The following COPS5 variants were observed in gnomAD, a reference collection of about 807,000 sequenced individuals.
COPS5 encodes the protein COP9 signalosome complex subunit 5.
Under a neutral mutation model 44.4 loss-of-function variants are expected in COPS5, and 8 were observed. That is an observed-to-expected ratio of 0.18 (90% CI 0.11 to 0.32). COPS5 has a LOEUF of 0.32. COPS5 is among the 10% of genes least tolerant of loss of function. The pLI is 1.00. For missense variants in COPS5, 159 were observed against 406.4 expected (o/e 0.39, Z 5.23); for synonymous variants, 122 against 142.8 (o/e 0.85, Z 1.04).
At chr8:67,050,558 AGTGTGTGTGTGT>A (rs34629150) in intron 6 of COPS5, among the ~76,000 whole-genome samples, 2 of 140,996 alleles carry the variant, frequency 1.4e-5, no homozygotes, top group African/African-American at 2.6e-5. Flanking sequence ...TGTGAGTGTG[AGTGTGTGTGTGT>A]GTGTGTGTGT....
intron 6 of COPS5, among the ~76,000 whole-genome samples, chr8:67,050,612 A>AGTGTGTGTGT (rs1317416454): frequency 3.4e-5 from 4 of 118,282 alleles, no homozygotes; most frequent in African/African-American, 1.9e-4. Flanking sequence ...TGTGAGTGTG[A>AGTGTGTGTGT]GAGTGTGTGT....
At chr8:67,050,301 T>G (rs1250599584) in intron 6 of COPS5, among the ~76,000 whole-genome samples, 1 of 152,100 alleles carries the variant, frequency 6.6e-6, no homozygotes, top group Non-Finnish European at 1.5e-5. Flanking sequence ...GCGCCCGGCC[T>G]CTTTTTTTTT....
intron 1 of COPS5, 143 bp from the exon 2 acceptor site, chr8:67,059,588 A>C: frequency 1.6e-6 from 1 of 635,670 alleles, no homozygotes; most frequent in South Asian, 2.0e-5. Context: ...AAAGTAAAAA[A>C]GGACAGTTTT....
Position 67,060,637 on chromosome 8 carries a change from C to G in COPS5, c.144-1192G>C, listed in dbSNP as rs1243807231. 1.3e-5 allele frequency: 6 copies of G among 452,328 alleles called. No individual in the cohort carries two copies. The East Asian group carries it at 3.9e-4, about 30-fold the overall frequency. 28.0% of individuals were successfully genotyped at this position (452,328 alleles called of 1,614,324 possible). A position where few individuals can be genotyped will look rare whatever the true frequency, so the allele number is the denominator to read the frequency against. On this transcript the variant is annotated intron_variant, in intron 1 of 7. Transcript: ENST00000357849. ...ACATTATCTCACCTAATCTCTATGA[C>G]AATACCAATAAGTAGGTCTTATTTC...
Position 67,048,586 on chromosome 8 carries a change from C to T in COPS5, c.772-2626G>A, listed in dbSNP as rs1280351601. Among the ~76,000 whole-genome samples the T allele has an allele frequency of 4.0e-5, 6 of 151,682 alleles. No homozygotes were observed. The East Asian group carries it at 9.8e-4, about 25-fold the overall frequency. ...AAAAAATTAGCCGGGCGTGGTGGCA[C>T]GCACCTGTAATCCCAGCTACTCCGG... On this transcript the variant is annotated intron_variant, in intron 6 of 7. Coordinates refer to ENST00000357849, the MANE Select transcript of COPS5 (RefSeq NM_006837.3).
intron 3 of COPS5, 61 bp from the exon 4 acceptor site, chr8:67,057,506 T>C (rs369948060): frequency 1.7e-6 from 2 of 1,169,162 alleles, no homozygotes. Context: ...TATTTAAACA[T>C]TATAAACCTA....
At chr8:67,055,273 A>C (rs1171503168) in intron 5 of COPS5, among the ~76,000 whole-genome samples, 1 of 152,236 alleles carries the variant, frequency 6.6e-6, no homozygotes, top group Non-Finnish European at 1.5e-5. Flanking sequence ...GATAAGGACT[A>C]AGGATCTTGT....
intron 1 of COPS5, 105 bp from the exon 2 acceptor site, chr8:67,059,550 G>A: frequency 1.2e-6 from 1 of 802,410 alleles, no homozygotes; most frequent in Admixed American, 2.3e-5. Flanking sequence ...TTAGAGCGAT[G>A]GAAAGGGAGT....
At chr8:67,049,471 A>G (rs1585709267) in intron 6 of COPS5, among the ~76,000 whole-genome samples, 1 of 152,232 alleles carries the variant, frequency 6.6e-6, no homozygotes, top group African/African-American at 2.4e-5. Context: ...CTCGAAAAGA[A>G]AAAGAAAAAA....
chr8:67,062,115 T>C lies in COPS5; in HGVS notation c.-119A>G, dbSNP rs1425398231. Reference sequence around the variant, plus strand: ...GGGAACAAACTCTTACCTAGACTCTTGGGGCAGCCATGACACCTAGAACCG... The same window carrying C: ...GGGAACAAACTCTTACCTAGACTCTCGGGGCAGCCATGACACCTAGAACCG... On this transcript the variant is annotated 5_prime_UTR_variant, in exon 1 of 8. Coordinates refer to ENST00000357849, the MANE Select transcript of COPS5 (RefSeq NM_006837.3). The C allele has an allele frequency of 1.9e-6, 3 of 1,556,152 alleles. No individual in the cohort carries two copies. In the South Asian group the frequency reaches 3.5e-5, roughly 18 times the overall value.
chr8:67,047,036 TA>T (rs1407170575), intron 6 of COPS5, among the ~76,000 whole-genome samples: 1 of 152,118 alleles, frequency 6.6e-6, no homozygotes, highest in South Asian at 2.1e-4. Context: ...ATTTTACCAA[TA>T]TTTTTATGGG....
intron 6 of COPS5, among the ~76,000 whole-genome samples, chr8:67,046,636 C>T (rs1033903431): frequency 6.6e-6 from 1 of 151,660 alleles, no homozygotes; most frequent in Non-Finnish European, 1.5e-5. Flanking sequence ...GCCTGGCTAA[C>T]AAGATGAAAC....
chr8:67,061,507 A>G, intron 1 of COPS5: 1 of 436,240 alleles, frequency 2.3e-6, no homozygotes, highest in Non-Finnish European at 4.4e-6. Context: ...AACAGCTGCA[A>G]TCCCCAGTTT....
rs1170727387 is a variant in COPS5 at position 67,043,231 on chromosome 8, G to T, written c.*2C>A. The stretch of plus-strand genomic sequence containing the variant: ...TCAGGTAAAGTACTTCTCAGAGACT[G>T]TTTAAGAGATGTTAATTTGATTAAA... On this transcript the variant is annotated 3_prime_UTR_variant, in exon 8 of 8. Coordinates refer to ENST00000357849, the MANE Select transcript of COPS5 (RefSeq NM_006837.3). The T allele has an allele frequency of 2.6e-6, 4 of 1,510,616 alleles. No homozygotes were observed. The highest frequency in any genetic ancestry group is 3.7e-6 in the Non-Finnish European group (4 of 1,090,420). 93.6% of individuals were successfully genotyped at this position (1,510,616 alleles called of 1,614,324 possible). A position where few individuals can be genotyped will look rare whatever the true frequency, so the allele number is the denominator to read the frequency against.
In COPS5 at chr8:67,058,211, C is replaced by T. The variant is rs758313448; in HGVS notation, c.379G>A (p.Val127Ile). The T allele has an allele frequency of 6.2e-7, 1 of 1,613,140 alleles. No homozygotes were observed. The highest frequency in any genetic ancestry group is 8.5e-7 in the Non-Finnish European group (1 of 1,179,292). ...CCGATTGCATTTTCAAGGCGGCCAA[C>T]CTAACAAATGAAGGGGCAAAAAAGT... ...MAAYIENAKQ[V>I]GRLENAIGWY... is the part of the protein sequence containing the mutation. Residue 127 changes from valine to isoleucine, a missense_variant and splice_region_variant, in exon 3 of 8, where the codon GTT becomes ATT. This residue lies in a region of COPS5 where 134 missense variants were observed against 376.7 expected (regional missense o/e 0.36). Coordinates refer to ENST00000357849, the MANE Select transcript of COPS5 (RefSeq NM_006837.3).
chr8:67,056,651 AAATATATATATATATATATATATATATAT>A lies in COPS5; in HGVS notation c.574-76_574-48del, dbSNP rs1362665043. On this transcript the variant is annotated intron_variant, in intron 4 of 7. Transcript: ENST00000357849. ...AGAAGATTAAGAAAAAAAAAAAAAA[AAATATATATATATATATATATATATATAT>A]ATATATATATATATATATATATATA... The A allele has an allele frequency of 5.4e-5, 3 of 55,936 alleles. 1 individual carries two copies. Among genetic ancestry groups the A allele is most frequent in the Non-Finnish European group, 8.2e-5 (3 of 36,598 alleles). 3.5% of individuals were successfully genotyped at this position (55,936 alleles called of 1,614,324 possible). A position where few individuals can be genotyped will look rare whatever the true frequency, so the allele number is the denominator to read the frequency against.
chr8:67,059,578 A>G (rs1804556647), intron 1 of COPS5, 133 bp from the exon 2 acceptor site: 2 of 665,098 alleles, frequency 3.0e-6, no homozygotes, highest in Non-Finnish European at 5.1e-6. Flanking sequence ...ACGGGGAGAA[A>G]AAGTAAAAAA....
At chr8:67,052,011 A>G (rs1804421460) in intron 5 of COPS5, among the ~76,000 whole-genome samples, 1 of 152,226 alleles carries the variant, frequency 6.6e-6, no homozygotes, top group African/African-American at 2.4e-5. Context: ...GGAACTCAAC[A>G]TTTATATGGG....
chr8:67,054,393 G>A (rs1412544334), intron 5 of COPS5, among the ~76,000 whole-genome samples: 2 of 152,098 alleles, frequency 1.3e-5, no homozygotes, highest in Non-Finnish European at 2.9e-5. Context: ...CCAGGCTTAG[G>A]AGCAATTCTC....
Sources: allele counts gnomAD v4.1 joint callset (sites outside exome capture counted in the v4.1 genomes callset), GRCh38; gene constraint gnomAD v4.1.1; regional missense constraint gnomAD v4.1.1; transcripts MANE v1.5; gene names NCBI Gene and HGNC (gene_info 2026-07-23, HGNC 2026-07-21).